The following TMEM163 variants were observed in gnomAD, a reference collection of about 807,000 sequenced individuals.
TMEM163 encodes transmembrane protein 163.
A neutral mutation model predicts 29.3 loss-of-function variants in TMEM163; 17 were observed. The ratio of observed to expected loss-of-function variants is 0.58; its 90% CI spans 0.40 to 0.87. TMEM163 has a LOEUF of 0.87. Among genes scored for constraint, TMEM163 ranks in the 40% least tolerant of loss-of-function variants. The pLI, the probability that TMEM163 is intolerant of heterozygous loss-of-function variation, is 0.00. For synonymous variants in TMEM163, 157 were observed against 160.6 expected (o/e 0.98, Z 0.17); for missense variants, 303 against 381.5 (o/e 0.79, Z 1.71).
At chr2:134,656,558 A>T (rs1034314135) in intron 2 of TMEM163, among the ~76,000 whole-genome samples, 6 of 152,210 alleles carry the variant, frequency 3.9e-5, no homozygotes, top group African/African-American at 7.2e-5. Context: ...CTATTCGGCC[A>T]TCTTGGCTCC....
At chr2:134,562,478 T>C (rs1277261989) in intron 2 of TMEM163, among the ~76,000 whole-genome samples, 3 of 152,268 alleles carry the variant, frequency 2.0e-5, no homozygotes, top group Non-Finnish European at 4.4e-5. Context: ...GCATGGATAT[T>C]GTCACCCAAG....
intron 2 of TMEM163, among the ~76,000 whole-genome samples, chr2:134,561,162 A>T (rs1462134615): frequency 6.6e-6 from 1 of 152,230 alleles, no homozygotes; most frequent in African/African-American, 2.4e-5. Context: ...CACAGACCTC[A>T]CACGCCAGAG....
At chr2:134,678,969 T>G (rs1244610137) in intron 2 of TMEM163, among the ~76,000 whole-genome samples, 1 of 152,240 alleles carries the variant, frequency 6.6e-6, no homozygotes, top group East Asian at 1.9e-4. Flanking sequence ...TTCCAATATC[T>G]ACCTATGTGT....
chr2:134,543,258 C>T (rs1192955603), intron 4 of TMEM163, among the ~76,000 whole-genome samples: 2 of 152,182 alleles, frequency 1.3e-5, no homozygotes, highest in African/African-American at 4.8e-5. Context: ...CCTTCTGCCT[C>T]CAGGTGAGTC....
chr2:134,695,011 A>G (rs918028419), intron 2 of TMEM163, among the ~76,000 whole-genome samples: 1 of 152,240 alleles, frequency 6.6e-6, no homozygotes, highest in African/African-American at 2.4e-5. Flanking sequence ...AAGACATCAG[A>G]AAAACTAAAA....
At position 134,655,377 on chromosome 2, in the gene TMEM163, G is replaced by A. The variant is rs1179431164; in HGVS notation, c.322+57823C>T. ...CTTCTGCATTCTTCACGTAGTTCTCGAGCCTTGGTTTTCAGCTCCATCAGC... is the reference window on the plus strand; with the variant it reads ...CTTCTGCATTCTTCACGTAGTTCTCAAGCCTTGGTTTTCAGCTCCATCAGC... On this transcript the variant is annotated intron_variant, in intron 2 of 7. Transcript: ENST00000281924. Among the ~76,000 whole-genome samples the A allele has an allele frequency of 4.7e-4, 51 of 107,616 alleles. 3 individuals carry two copies. Among genetic ancestry groups the A allele is most frequent in the Non-Finnish European group, 8.3e-4 (46 of 55,226 alleles). 70.6% of individuals were successfully genotyped at this position (107,616 alleles called of 152,430 possible). A position where few individuals can be genotyped will look rare whatever the true frequency, so the allele number is the denominator to read the frequency against.
At position 134,497,464 on chromosome 2, in the gene TMEM163, G is replaced by A. The variant is rs377707577; in HGVS notation, c.555+5437C>T. ...CTGGGCCCAGACACTGGCCAAGAGC[G>A]CAAGGTGAAGAGGTCATGGTCCACG... On this transcript the variant is annotated intron_variant, in intron 5 of 7. Coordinates refer to ENST00000281924, the MANE Select transcript of TMEM163 (RefSeq NM_030923.5). Among the ~76,000 whole-genome samples the A allele has an allele frequency of 7.9e-5, 12 of 152,260 alleles. No individual in the cohort carries two copies. In the East Asian group the frequency reaches 9.6e-4, roughly 12 times the overall value.
chr2:134,691,191 A>G (rs1684455876), intron 2 of TMEM163, among the ~76,000 whole-genome samples: 1 of 152,190 alleles, frequency 6.6e-6, no homozygotes, highest in African/African-American at 2.4e-5. Context: ...AGAAATCAAA[A>G]TGCCTGGTGA....
intron 2 of TMEM163, among the ~76,000 whole-genome samples, chr2:134,597,955 G>C (rs1172046024): frequency 5.3e-5 from 8 of 152,230 alleles, no homozygotes; most frequent in African/African-American, 1.9e-4. Context: ...GGGATCGGTG[G>C]TGATATCCCC....
chr2:134,598,399 AT>A (rs145969848), intron 2 of TMEM163, among the ~76,000 whole-genome samples: 6,577 of 152,256 alleles, frequency 0.043, 482 homozygotes, highest in African/African-American at 0.15. Context: ...TAAGAACTTT[AT>A]TTGTATTAAT....
At chr2:134,689,405 G>C (rs1304330640) in intron 2 of TMEM163, among the ~76,000 whole-genome samples, 3 of 152,206 alleles carry the variant, frequency 2.0e-5, no homozygotes, top group African/African-American at 7.2e-5. Context: ...ACCATGCCTG[G>C]AGACAATTTT....
chr2:134,523,265 T>C (rs1680225433), intron 4 of TMEM163, among the ~76,000 whole-genome samples: 1 of 152,076 alleles, frequency 6.6e-6, no homozygotes, highest in Non-Finnish European at 1.5e-5. Context: ...AGCGTCTGTG[T>C]GCTATTACTG....
At chr2:134,474,259 T>C (rs1434892722) in intron 5 of TMEM163, among the ~76,000 whole-genome samples, 3 of 152,122 alleles carry the variant, frequency 2.0e-5, no homozygotes, top group Non-Finnish European at 2.9e-5. Flanking sequence ...AGAAAGCCCA[T>C]ATAATCATCT....
chr2:134,457,295 G>C (rs1686420481), intron 7 of TMEM163, among the ~76,000 whole-genome samples: 1 of 152,190 alleles, frequency 6.6e-6, no homozygotes, highest in Non-Finnish European at 1.5e-5. Flanking sequence ...TCCTCCCGCA[G>C]TGTATACCAA....
rs572422327 is a variant in TMEM163, at chr2:134,518,650, T to TAGCACGGTCCCAATTC, written c.459-15669_459-15654dup. ...TTTCCTTCCAACACCGTGTACTTTC[T>TAGCACGGTCCCAATTC]AGCACGGTCCCAATTCAGCACGGTA... On this transcript the variant is annotated intron_variant, in intron 4 of 7. Coordinates refer to ENST00000281924, the MANE Select transcript of TMEM163 (RefSeq NM_030923.5). Among the ~76,000 whole-genome samples the TAGCACGGTCCCAATTC allele has an allele frequency of 1.1e-4, 16 of 152,286 alleles. 2 individuals carry two copies. Among genetic ancestry groups the TAGCACGGTCCCAATTC allele is most frequent in the African/African-American group, 3.9e-4 (16 of 41,546 alleles).
chr2:134,482,417 T>C (rs1679213465), intron 5 of TMEM163, among the ~76,000 whole-genome samples: 1 of 152,046 alleles, frequency 6.6e-6, no homozygotes, highest in Non-Finnish European at 1.5e-5. Flanking sequence ...TCCTTTTTCA[T>C]GAGATGTGAG....
At chr2:134,580,899 C>T (rs544300628) in intron 2 of TMEM163, among the ~76,000 whole-genome samples, 2 of 152,068 alleles carry the variant, frequency 1.3e-5, no homozygotes, top group Non-Finnish European at 2.9e-5. Context: ...GGTGACAGAG[C>T]GAGACTCTGC....
At chr2:134,461,120 G>A (rs1408172881) in intron 6 of TMEM163, among the ~76,000 whole-genome samples, 2 of 152,138 alleles carry the variant, frequency 1.3e-5, no homozygotes, top group South Asian at 4.1e-4. Flanking sequence ...CCAGCCCCAC[G>A]AGCTTGGCCC....
chr2:134,559,624 C>T (rs191473423), intron 2 of TMEM163, among the ~76,000 whole-genome samples: 9 of 152,192 alleles, frequency 5.9e-5, no homozygotes, highest in African/African-American at 2.2e-4. Context: ...TTGCCAAGAC[C>T]TCAGGGATGA....
Sources: gnomAD v4.1 joint callset for allele counts (sites outside exome capture counted in the v4.1 genomes callset) on GRCh38, gnomAD v4.1.1 for gene constraint, MANE v1.5 for transcripts, NCBI Gene and HGNC (gene_info 2026-07-23, HGNC 2026-07-21) for gene names.